Variants in CHLSN observed in about 807,000 individuals in gnomAD.
CHLSN encodes cholesin.
At chr7:1,137,658 AT>A in the CHLSN span, 1 of 152,140 alleles carries the variant, frequency 6.6e-6, no homozygotes, top group South Asian at 2.1e-4. Context: ...ATTTTTAAAA[AT>A]TATCCGGGTG....
At chr7:1,137,421 C>T in the CHLSN span, 2 of 152,234 alleles carry the variant, frequency 1.3e-5, no homozygotes, top group Non-Finnish European at 1.5e-5. Flanking sequence ...CCCAATGCCC[C>T]GAACAGTGCA....
At chr7:1,106,044 T>C in the CHLSN span, among the ~76,000 whole-genome samples, 2 of 152,194 alleles carry the variant, frequency 1.3e-5, no homozygotes, top group Admixed American at 6.5e-5. Flanking sequence ...CTTTTCCTTG[T>C]ATGATTTCGA....
the CHLSN span, among the ~76,000 whole-genome samples, chr7:1,014,485 G>A: frequency 3.9e-5 from 6 of 152,240 alleles, no homozygotes; most frequent in Non-Finnish European, 7.3e-5. Flanking sequence ...GCTCCCCAGC[G>A]TGAGGCTTCG....
the CHLSN span, among the ~76,000 whole-genome samples, chr7:1,015,631 C>T: frequency 6.6e-6 from 1 of 152,138 alleles, no homozygotes; most frequent in East Asian, 1.9e-4. Flanking sequence ...CAGGACTGAC[C>T]CAGGAGAGCA....
At chr7:1,126,414 C>T in the CHLSN span, among the ~76,000 whole-genome samples, 41 of 147,538 alleles carry the variant, frequency 2.8e-4, no homozygotes, top group African/African-American at 9.7e-4. Flanking sequence ...TGCGGTGGCT[C>T]ACACCTGTAA....
At chr7:1,023,622 GAAACACACACACAC>G in the CHLSN span, among the ~76,000 whole-genome samples, 1 of 95,436 alleles carries the variant, frequency 1.0e-5, no homozygotes, top group African/African-American at 4.0e-5. The surrounding 1 kb of genome is among the most constrained non-coding windows in gnomAD (Gnocchi z 5.0). Flanking sequence ...CTCCTCCCAG[GAAACACACACACAC>G]ACACACACAC....
chr7:1,045,728 T>G, the CHLSN span: 1 of 152,282 alleles, frequency 6.6e-6, no homozygotes, highest in Non-Finnish European at 1.5e-5. Flanking sequence ...GAACCCCTGT[T>G]GTCTTCCTCA....
the CHLSN span, among the ~76,000 whole-genome samples, chr7:1,071,998 G>A: frequency 2.0e-5 from 3 of 152,310 alleles, no homozygotes; most frequent in Middle Eastern, 3.4e-3. Flanking sequence ...CCGGGCAAGT[G>A]GCACCCAACA....
At chr7:1,063,398 C>T in the CHLSN span, among the ~76,000 whole-genome samples, 6 of 152,214 alleles carry the variant, frequency 3.9e-5, no homozygotes, top group African/African-American at 1.4e-4. Flanking sequence ...TCCTGAGAAA[C>T]GGGCTCCCTG....
chr7:992,884 C>G, the CHLSN span, among the ~76,000 whole-genome samples: 5 of 152,228 alleles, frequency 3.3e-5, no homozygotes, highest in African/African-American at 9.6e-5. Flanking sequence ...GCAGGCCCAT[C>G]GCTGGCCAAA....
the CHLSN span, among the ~76,000 whole-genome samples, chr7:1,018,565 C>A: frequency 6.6e-6 from 1 of 152,300 alleles, no homozygotes; most frequent in Admixed American, 6.5e-5. Context: ...CTGGCGTGGG[C>A]TCCAGCTGAG....
chr7:1,019,210 AAC>A, the CHLSN span, among the ~76,000 whole-genome samples: 6,001 of 69,114 alleles, frequency 0.087, 487 homozygotes, highest in South Asian at 0.16. Flanking sequence ...AAAAAAAAAA[AAC>A]GGGGGGGGGG....
the CHLSN span, among the ~76,000 whole-genome samples, chr7:1,131,061 C>T: frequency 6.6e-6 from 1 of 152,044 alleles, no homozygotes; most frequent in South Asian, 2.1e-4. Context: ...CTTGGTGGTG[C>T]ACACCTGTGG....
At chr7:1,105,983 A>T in the CHLSN span, among the ~76,000 whole-genome samples, 1 of 151,530 alleles carries the variant, frequency 6.6e-6, no homozygotes, top group Non-Finnish European at 1.5e-5. Flanking sequence ...GAGCACACGG[A>T]GGGGAGAGGA....
chr7:1,011,138 T>A, the CHLSN span, among the ~76,000 whole-genome samples: 4 of 122,248 alleles, frequency 3.3e-5, no homozygotes, highest in Admixed American at 1.9e-4. Flanking sequence ...CCCTCACCCA[T>A]GTACCCACAC....
the CHLSN span, among the ~76,000 whole-genome samples, chr7:1,023,304 C>T: frequency 6.6e-6 from 1 of 152,298 alleles, no homozygotes; most frequent in South Asian, 2.1e-4. The surrounding 1 kb of genome is among the most constrained non-coding windows in gnomAD (Gnocchi z 5.0). Flanking sequence ...CGCCCACACC[C>T]GCCACCGCGG....
At chr7:1,104,432 A>C in the CHLSN span, among the ~76,000 whole-genome samples, 2 of 152,224 alleles carry the variant, frequency 1.3e-5, no homozygotes, top group African/African-American at 4.8e-5. Context: ...ATCTATGAGC[A>C]GCAAATGAAA....
the CHLSN span, chr7:988,383 T>C: frequency 2.5e-6 from 4 of 1,612,620 alleles, no homozygotes; most frequent in Non-Finnish European, 3.4e-6. Context: ...AATGGGCACT[T>C]TGTGAAGCGG....
chr7:1,002,061 A>G, the CHLSN span, among the ~76,000 whole-genome samples: 2 of 93,174 alleles, frequency 2.1e-5, no homozygotes, highest in East Asian at 3.7e-4. Flanking sequence ...GCGGGTGGGG[A>G]GTCCTGTGGG....
Sources: gnomAD v4.1 joint callset for allele counts (sites outside exome capture counted in the v4.1 genomes callset) on GRCh38, gnomAD v4.1.1 for gene constraint, Gnocchi (gnomAD v3.1) non-coding constraint, MANE v1.5 for transcripts, NCBI Gene and HGNC (gene_info 2026-07-23, HGNC 2026-07-21) for gene names.